The following BAIAP2L1 variants were observed in gnomAD, a reference collection of about 807,000 sequenced individuals.
BAIAP2L1 encodes the protein BAR/IMD domain containing adaptor protein 2 like 1.
BAIAP2L1 carries 35 observed loss-of-function variants against 66.3 expected under a neutral mutation model. That is an observed-to-expected ratio of 0.53 (90% confidence interval 0.40 to 0.70). The LOEUF (loss-of-function observed/expected upper bound fraction) is 0.70, where lower values mean the gene tolerates loss of function less well. BAIAP2L1 is among the 30% of genes least tolerant of loss of function. BAIAP2L1 has a pLI of 0.00. For synonymous variants in BAIAP2L1, 269 were observed against 248.7 expected, an observed-to-expected ratio of 1.08 and a Z score of -0.77; for missense variants, 622 against 656.9, an observed-to-expected ratio of 0.95 and a Z score of 0.58.
intron 1 of BAIAP2L1, among the ~76,000 whole-genome samples, chr7:98,388,903 C>T (rs773752929): frequency 4.0e-5 from 6 of 149,538 alleles, no homozygotes; most frequent in Admixed American, 6.7e-5. Flanking sequence ...TAGCCTGGGA[C>T]GTTGAGGCTG....
In BAIAP2L1 at chr7:98,399,482, C is replaced by G. The variant is rs192667792; in HGVS notation, c.51+1320G>C. The stretch of plus-strand genomic sequence containing the variant: ...AAATTTTAGGTTTAAAAAAGTCTAT[C>G]AAAATGACTAAACTTCCTGATTCAA... On this transcript the variant is annotated intron_variant, in intron 1 of 13. Coordinates refer to ENST00000005260, the MANE Select transcript of BAIAP2L1 (RefSeq NM_018842.5). Among the ~76,000 whole-genome samples, 694 of 152,220 alleles carry G rather than the reference C, an allele frequency of 4.6e-3. 4 individuals are homozygous for G. The highest frequency in any genetic ancestry group is 0.01 in the Middle Eastern group (3 of 294).
intron 3 of BAIAP2L1, among the ~76,000 whole-genome samples, chr7:98,348,993 C>T (rs761703933): frequency 1.3e-5 from 2 of 152,232 alleles, no homozygotes; most frequent in Non-Finnish European, 2.9e-5. Flanking sequence ...TTCCCGGACT[C>T]GCCTGGGCGG....
chr7:98,398,672 C>T (rs1215647873), intron 1 of BAIAP2L1, among the ~76,000 whole-genome samples: 4 of 152,098 alleles, frequency 2.6e-5, no homozygotes, highest in African/African-American at 9.7e-5. Context: ...TTTTCCCTGC[C>T]GTTTCCGTTC....
Position 98,310,547 on chromosome 7 carries a change from G to T in BAIAP2L1, c.853C>A (p.Pro285Thr). The T allele has an allele frequency of 1.3e-6, 2 of 1,593,094 alleles. No individual in the cohort carries two copies. Among genetic ancestry groups the T allele is most frequent in the Non-Finnish European group, 1.7e-6 (2 of 1,174,162 alleles). ...DTLSKCSPKM[P>T]PAPSGRAYTS... is the part of the protein sequence containing the mutation. Reference sequence around the variant, plus strand: ...TATGCTCTGCCTGAAGGAGCGGGGGGCATCTTTGGTGAGCATTTAGAAAGG... The same window carrying T: ...TATGCTCTGCCTGAAGGAGCGGGGGTCATCTTTGGTGAGCATTTAGAAAGG... Residue 285 changes from proline to threonine, a missense_variant, in exon 9 of 14, where the codon CCC (proline) becomes ACC (threonine). By Grantham distance (38) the Pro-to-Thr change is conservative (BLOSUM62 -1). Transcript: ENST00000005260.
In BAIAP2L1 at chr7:98,373,139, C is replaced by A. The variant is rs1398885201; in HGVS notation, c.52-10707G>T. Among the ~76,000 whole-genome samples, 7 of 152,156 alleles carry A rather than the reference C, an allele frequency of 4.6e-5. No individual in the cohort carries two copies. In the East Asian group the frequency reaches 1.2e-3, roughly 25 times the overall value. On this transcript the variant is annotated intron_variant, in intron 1 of 13. Coordinates refer to ENST00000005260, the MANE Select transcript of BAIAP2L1 (RefSeq NM_018842.5). ...AACATCACCAATACTTGATCACCTG[C>A]TCTTCCTTTAGGGAAAGTATTAGTA...
chr7:98,381,017 G>C (rs1802748064), intron 1 of BAIAP2L1, among the ~76,000 whole-genome samples: 1 of 152,132 alleles, frequency 6.6e-6, no homozygotes, highest in Non-Finnish European at 1.5e-5. Flanking sequence ...ATGGGTCCCA[G>C]ACAGCTGGAC....
intron 3 of BAIAP2L1, among the ~76,000 whole-genome samples, chr7:98,327,667 C>CT (rs1438006043): frequency 1.3e-5 from 2 of 151,884 alleles, no homozygotes; most frequent in African/African-American, 4.8e-5. Context: ...GAGCAAAACT[C>CT]TGTCTCAAAA....
intron 3 of BAIAP2L1, among the ~76,000 whole-genome samples, chr7:98,345,821 A>G (rs1057078629): frequency 6.6e-6 from 1 of 152,206 alleles, no homozygotes; most frequent in African/African-American, 2.4e-5. Context: ...AAGATGCTCA[A>G]TGTCGTTAGT....
At chr7:98,301,189 C>CG (rs1562964357) in intron 12 of BAIAP2L1, among the ~76,000 whole-genome samples, 2 of 152,178 alleles carry the variant, frequency 1.3e-5, no homozygotes, top group Non-Finnish European at 2.9e-5. Context: ...CAGAGGTCTG[C>CG]GGCCCAGGAA....
At chr7:98,392,359 T>A (rs1336975974) in intron 1 of BAIAP2L1, among the ~76,000 whole-genome samples, 1 of 151,888 alleles carries the variant, frequency 6.6e-6, no homozygotes, top group Non-Finnish European at 1.5e-5. Context: ...AAAAGAAGTC[T>A]ACCTAACTGG....
chr7:98,375,742 C>CAAA (rs372282399), intron 1 of BAIAP2L1, among the ~76,000 whole-genome samples: 16 of 59,042 alleles, frequency 2.7e-4, no homozygotes, highest in Admixed American at 3.6e-4. Context: ...AAGTCCATCT[C>CAAA]AAAAAAAAAA....
At chr7:98,339,246 G>C (rs1023205771) in intron 3 of BAIAP2L1, among the ~76,000 whole-genome samples, 1 of 152,072 alleles carries the variant, frequency 6.6e-6, no homozygotes, top group Non-Finnish European at 1.5e-5. Context: ...ATGGTCAAGG[G>C]TTCCAATTTC....
intron 1 of BAIAP2L1, among the ~76,000 whole-genome samples, chr7:98,399,379 C>G (rs904915044): frequency 5.9e-5 from 9 of 152,158 alleles, no homozygotes; most frequent in African/African-American, 2.2e-4. Flanking sequence ...TGTTCATGTT[C>G]TTCTCTTACT....
chr7:98,363,046 T>G (rs1317730039), intron 1 of BAIAP2L1, among the ~76,000 whole-genome samples: 1 of 142,748 alleles, frequency 7.0e-6, no homozygotes, highest in Non-Finnish European at 1.5e-5. Context: ...TTTTTTTTTT[T>G]TTTTTTGAGA....
intron 1 of BAIAP2L1, among the ~76,000 whole-genome samples, chr7:98,399,383 TCTTA>T (rs1803295098): frequency 6.6e-6 from 1 of 152,232 alleles, no homozygotes; most frequent in Non-Finnish European, 1.5e-5. Flanking sequence ...CATGTTCTTC[TCTTA>T]CTTTCATTCA....
intron 3 of BAIAP2L1, among the ~76,000 whole-genome samples, chr7:98,342,702 G>A (rs1311415204): frequency 6.6e-6 from 1 of 152,136 alleles, no homozygotes; most frequent in Non-Finnish European, 1.5e-5. Flanking sequence ...TTCCTGAGAA[G>A]TCAATGAGAA....
chr7:98,369,890 T>G (rs1025713237), intron 1 of BAIAP2L1, among the ~76,000 whole-genome samples: 1 of 152,078 alleles, frequency 6.6e-6, no homozygotes, highest in Non-Finnish European at 1.5e-5. Flanking sequence ...CAGGCTGGTT[T>G]TGAACTCCTG....
chr7:98,298,561 C>T (rs1375691875), intron 12 of BAIAP2L1, among the ~76,000 whole-genome samples: 1 of 151,842 alleles, frequency 6.6e-6, no homozygotes, highest in Non-Finnish European at 1.5e-5. Context: ...TGCAGTGAGC[C>T]GAGATGGTGC....
At chr7:98,303,862 A>C (rs1800526398) in intron 12 of BAIAP2L1, among the ~76,000 whole-genome samples, 2 of 152,370 alleles carry the variant, frequency 1.3e-5, no homozygotes, top group Non-Finnish European at 2.9e-5. Context: ...AAAATGAAAG[A>C]AAATGGTGAT....
Sources: gnomAD v4.1 joint callset for allele counts (sites outside exome capture counted in the v4.1 genomes callset) on GRCh38, gnomAD v4.1.1 for gene constraint, MANE v1.5 for transcripts, NCBI Gene and HGNC (gene_info 2026-07-23, HGNC 2026-07-21) for gene names.